Variants in ZCWPW2 observed in about 807,000 individuals in gnomAD.
ZCWPW2 encodes the protein zinc finger CW-type PWWP domain protein 2.
Under a neutral mutation model 46.6 loss-of-function variants are expected in ZCWPW2, and 45 were observed. The ratio of observed to expected loss-of-function variants is 0.96; its 90% CI spans 0.76 to 1.24. The LOEUF (loss-of-function observed/expected upper bound fraction) is 1.24, where lower values mean the gene tolerates loss of function less well. ZCWPW2 is among the 50% of genes most tolerant of loss of function. The pLI, the probability that ZCWPW2 is intolerant of heterozygous loss-of-function variation, is 0.00. For synonymous variants in ZCWPW2, 152 were observed against 137.1 expected (o/e 1.11, Z -0.76); for missense variants, 429 against 403.9 (o/e 1.06, Z -0.53).
chr3:28,423,119 A>T (rs924807776), intron 3 of ZCWPW2, among the ~76,000 whole-genome samples: 1 of 152,004 alleles, frequency 6.6e-6, no homozygotes, highest in Non-Finnish European at 1.5e-5. Flanking sequence ...TATCAGATAT[A>T]TGTTTTGCAA....
At chr3:28,481,045 T>G (rs1313684404) in intron 5 of ZCWPW2, among the ~76,000 whole-genome samples, 1 of 151,828 alleles carries the variant, frequency 6.6e-6, no homozygotes, top group Admixed American at 6.6e-5. Flanking sequence ...TTTTGTATCT[T>G]TAGTAGAGAT....
intron 1 of ZCWPW2, among the ~76,000 whole-genome samples, chr3:28,360,349 CAAAAAAAAAAA>C (rs71087692): frequency 9.3e-5 from 5 of 53,918 alleles, no homozygotes; most frequent in East Asian, 6.7e-4. Context: ...ACTAAAAATA[CAAAAAAAAAAA>C]AAAAAAAAAA....
At chr3:28,477,459 G>A (rs1389098295) in intron 4 of ZCWPW2, among the ~76,000 whole-genome samples, 1 of 152,152 alleles carries the variant, frequency 6.6e-6, no homozygotes, top group African/African-American at 2.4e-5. Context: ...AGGATGCAAA[G>A]ATAAAATATT....
intron 8 of ZCWPW2, among the ~76,000 whole-genome samples, chr3:28,515,886 T>C (rs929751393): frequency 2.0e-5 from 3 of 152,148 alleles, no homozygotes; most frequent in Admixed American, 6.6e-5. Context: ...TTAAATTTTC[T>C]TTAGGTTTCT....
chr3:28,450,458 A>G (rs1398648335), intron 4 of ZCWPW2, among the ~76,000 whole-genome samples: 1 of 152,212 alleles, frequency 6.6e-6, no homozygotes, highest in Non-Finnish European at 1.5e-5. Flanking sequence ...GTTTAAGTTG[A>G]TCAACCAGCT....
intron 1 of ZCWPW2, among the ~76,000 whole-genome samples, chr3:28,360,963 T>C (rs1048448714): frequency 2.0e-5 from 3 of 152,176 alleles, no homozygotes; most frequent in Non-Finnish European, 2.9e-5. Context: ...CATATGCACC[T>C]AACACACATA....
At chr3:28,367,281 C>T (rs1443003964) in intron 1 of ZCWPW2, among the ~76,000 whole-genome samples, 7 of 152,074 alleles carry the variant, frequency 4.6e-5, no homozygotes, top group Admixed American at 2.6e-4. Flanking sequence ...TGTGGGCATT[C>T]AGTGCTATAA....
intron 1 of ZCWPW2, among the ~76,000 whole-genome samples, chr3:28,385,866 C>G (rs1207055635): frequency 6.6e-6 from 1 of 151,004 alleles, no homozygotes; most frequent in Non-Finnish European, 1.5e-5. Flanking sequence ...ATCTACTTTC[C>G]TAAGTGAGAT....
chr3:28,506,968 C>A (rs926382911), intron 6 of ZCWPW2, among the ~76,000 whole-genome samples: 1 of 152,104 alleles, frequency 6.6e-6, no homozygotes, highest in African/African-American at 2.4e-5. Context: ...CATCATTTAA[C>A]AAAAGAAGAC....
Position 28,428,402 on chromosome 3 carries a change from G to A in ZCWPW2, c.333-6708G>A, listed in dbSNP as rs549582865. 6.6e-5 allele frequency: 10 copies of A among 152,184 alleles called. No individual in the cohort carries two copies. The East Asian group carries it at 1.9e-3, about 29-fold the overall frequency. 9.4% of individuals were successfully genotyped at this position (152,184 alleles called of 1,614,324 possible). ...TAACTCAGAGGCACAAGAGCCATAGGACTCTGCTCAGCCTCTGGGGAGCAA... is the reference window on the plus strand; with the variant it reads ...TAACTCAGAGGCACAAGAGCCATAGAACTCTGCTCAGCCTCTGGGGAGCAA... On this transcript the variant is annotated intron_variant, in intron 3 of 9. Coordinates refer to ENST00000383768, the MANE Select transcript of ZCWPW2 (RefSeq NM_001040432.4).
At chr3:28,519,743 C>G (rs1361109223) in intron 8 of ZCWPW2, among the ~76,000 whole-genome samples, 3 of 152,092 alleles carry the variant, frequency 2.0e-5, no homozygotes, top group Non-Finnish European at 4.4e-5. Context: ...CTCTGAATTA[C>G]GTTGTTTTTG....
At chr3:28,390,410 A>G (rs1267153340) in intron 1 of ZCWPW2, 88 bp from the exon 2 acceptor site, 1 of 937,284 alleles carries the variant, frequency 1.1e-6, no homozygotes, top group East Asian at 1.2e-4. Context: ...TCAGTGATAT[A>G]TCAGAATTTC....
At chr3:28,522,843 A>G (rs1337656769) in intron 9 of ZCWPW2, among the ~76,000 whole-genome samples, 1 of 152,174 alleles carries the variant, frequency 6.6e-6, no homozygotes, top group East Asian at 1.9e-4. Context: ...TACATCCTAT[A>G]TACGTATAAT....
chr3:28,502,641 C>T (rs938448267), intron 6 of ZCWPW2, among the ~76,000 whole-genome samples: 2 of 152,010 alleles, frequency 1.3e-5, no homozygotes, highest in African/African-American at 2.4e-5. Context: ...CATTATTCCC[C>T]GAGTTCATAG....
chr3:28,420,466 C>T (rs1393761878), intron 3 of ZCWPW2, among the ~76,000 whole-genome samples: 1 of 152,046 alleles, frequency 6.6e-6, no homozygotes, highest in Non-Finnish European at 1.5e-5. Flanking sequence ...CCACCTTCCA[C>T]CCTCTAGTAG....
chr3:28,503,837 CT>C (rs1179252587), intron 6 of ZCWPW2, among the ~76,000 whole-genome samples: 1 of 151,926 alleles, frequency 6.6e-6, no homozygotes, highest in African/African-American at 2.4e-5. Context: ...TAAATTACTA[CT>C]TCTAAAATTA....
intron 1 of ZCWPW2, among the ~76,000 whole-genome samples, chr3:28,362,551 A>G (rs149222460): frequency 6.6e-6 from 1 of 152,308 alleles, no homozygotes; most frequent in East Asian, 1.9e-4. Flanking sequence ...CAGAATGGCT[A>G]TCACTAAAAG....
At chr3:28,460,828 C>G (rs1443754765) in intron 4 of ZCWPW2, 3 of 163,048 alleles carry the variant, frequency 1.8e-5, no homozygotes, top group Non-Finnish European at 4.1e-5. Flanking sequence ...TTAGAGTCAG[C>G]TACACTGCAA....
chr3:28,468,824 T>C (rs1027797134), intron 4 of ZCWPW2, among the ~76,000 whole-genome samples: 1 of 151,752 alleles, frequency 6.6e-6, no homozygotes, highest in African/African-American at 2.4e-5. Context: ...ATAAAAAGAG[T>C]ACTTCAATCA....
Sources: allele counts gnomAD v4.1 joint callset (sites outside exome capture counted in the v4.1 genomes callset), GRCh38; gene constraint gnomAD v4.1.1; transcripts MANE v1.5; gene names NCBI Gene and HGNC (gene_info 2026-07-23, HGNC 2026-07-21).